Variants in VCX observed in about 807,000 individuals in gnomAD.
VCX encodes variable charge X-linked protein 1.
For synonymous variants in VCX, 17 were observed against 79.4 expected (o/e 0.21, Z 4.18); for missense variants, 45 against 171.8 (o/e 0.26, Z 4.13).
upstream of VCX, chrX:7,843,137 G>A: frequency 1.8e-6 from 2 of 1,112,670 alleles, no homozygotes; most frequent in Non-Finnish European, 1.2e-6. Context: ...ATCGCGAGAG[G>A]GGTATATACA....
In VCX at chrX:7,843,664, C is replaced by G. The variant is rs370094450; in HGVS notation, c.269C>G (p.Pro90Arg). ...PSQELPQHELPPEEPVSEGTQ... is the reference protein window; with the variant it reads ...PSQELPQHELRPEEPVSEGTQ... ...CAGGAGCTCCCTCAGCACGAGCTGC[C>G]GCCGGAGGAGCCAGTGAGCGAGGGG... is the stretch of plus-strand genomic sequence containing the variant. Residue 90 changes from proline (P) to arginine (R), a missense_variant, in exon 2 of 2, where the codon CCG becomes CGG. Physicochemically the swap from Pro to Arg is moderately radical, Grantham distance 103 (BLOSUM62 -2). Coordinates refer to ENST00000688183, the MANE Select transcript of VCX (RefSeq NM_001393662.1). The G allele has an allele frequency of 8.9e-7, 1 of 1,123,827 alleles. No individual in the cohort carries two copies. The highest frequency in any genetic ancestry group is 2.1e-5 in the African/African-American group (1 of 46,667). 92.6% of individuals were successfully genotyped at this position (1,123,827 alleles called of 1,213,427 possible).
chrX:7,843,125 G>T, upstream of VCX: 10 of 1,056,263 alleles, frequency 9.5e-6, no homozygotes, highest in Non-Finnish European at 1.3e-5. Flanking sequence ...TCTCGTCCTG[G>T]GATCGCGAGA....
upstream of VCX, chrX:7,842,979 AC>A (rs746326926): frequency 0.33 from 6,315 of 19,036 alleles, 520 homozygotes; most frequent in Admixed American, 0.43. Flanking sequence ...ATTAGATGTC[AC>A]CCCCCCCCCC....
rs769348886 is a variant in VCX at position 7,843,747 on chromosome X, A to G, written c.352A>G (p.Ser118Gly). Reference sequence around the variant, plus strand: ...GCTGGAGGAACCACTGAGTCAGGAGAGCGAGGTGGAAGAACCACTGAGTCA... The same window carrying G: ...GCTGGAGGAACCACTGAGTCAGGAGGGCGAGGTGGAAGAACCACTGAGTCA... Reference protein sequence around the residue: ...AELEEPLSQESEVEEPLSQES... With the variant: ...AELEEPLSQEGEVEEPLSQES... Residue 118 changes from serine to glycine, a missense_variant, in exon 2 of 2, where the codon AGC becomes GGC. Transcript: ENST00000688183. The G allele has an allele frequency of 1.8e-6, 2 of 1,107,423 alleles. No homozygotes were observed. Among genetic ancestry groups the G allele is most frequent in the Admixed American group, 5.1e-5 (2 of 39,453 alleles). The allele number at this position is 1,107,423 out of a possible 1,213,427, so 91.3% of individuals were successfully genotyped here. A position where few individuals can be genotyped will look rare whatever the true frequency, so the allele number is the denominator to read the frequency against.
upstream of VCX, chrX:7,842,727 A>G (rs1428205907): frequency 5.1e-6 from 1 of 196,242 alleles, no homozygotes; most frequent in African/African-American, 3.1e-5. Flanking sequence ...CCCAGTTAGC[A>G]TGGAGGGATT....
At chrX:7,843,144 T>A (rs775482751), upstream of VCX, 9 of 1,140,182 alleles carry the variant, frequency 7.9e-6, no homozygotes, top group Non-Finnish European at 1.1e-5. Flanking sequence ...GAGGGGTATA[T>A]ACAGGGAGGC....
chrX:7,843,161 G>A (rs374566716), upstream of VCX: 43 of 1,156,548 alleles, frequency 3.7e-5, no homozygotes, highest in Admixed American at 6.8e-5. Flanking sequence ...AGGCCAGGCA[G>A]CCTGGAGTTA....
In VCX at chrX:7,843,956, G is replaced by T. The variant is rs1555908485; in HGVS notation, c.561G>T (p.Glu187Asp). 4 of 793,015 alleles carry T rather than the reference G, an allele frequency of 5.0e-6. No homozygotes were observed. In the South Asian group the frequency reaches 9.4e-5, roughly 19 times the overall value. 65.4% of individuals were successfully genotyped at this position (793,015 alleles called of 1,213,427 possible). Residue 187 changes from glutamate to aspartate, a missense_variant, in exon 2 of 2, where the codon GAG becomes GAT. Coordinates refer to ENST00000688183, the MANE Select transcript of VCX (RefSeq NM_001393662.1). ...ESEMEEPLSQESQVEEPPSQE... is the reference protein window; with the variant it reads ...ESEMEEPLSQDSQVEEPPSQE... ...AGATGGAAGAACCACTGAGTCAGGA[G>T]AGCCAGGTGGAGGAACCACCGAGTC...
rs1922497929 is a variant in VCX, at chrX:7,843,837, A to ACG, written c.442_443insCG (p.Ser148ThrfsTer8). On this transcript the variant is annotated frameshift_variant, in exon 2 of 2. Transcript: ENST00000688183. LOFTEE classifies it low-confidence loss of function (END_TRUNC). ...GGTGGAAGAACCACTGAGTCAGGAG[A>ACG]GCCAGGTGGAGGAACCACTGAGTCA... 1.1e-6 allele frequency: 1 copy of ACG among 884,386 alleles called. No homozygotes were observed. The highest frequency in any genetic ancestry group is 1.6e-6 in the Non-Finnish European group (1 of 634,683). 72.9% of individuals were successfully genotyped at this position (884,386 alleles called of 1,213,427 possible).
In VCX at chrX:7,844,044, A is replaced by C. The variant is rs1462199609; in HGVS notation, c.*28A>C. On this transcript the variant is annotated 3_prime_UTR_variant, in exon 2 of 2. Coordinates refer to ENST00000688183, the MANE Select transcript of VCX (RefSeq NM_001393662.1). ...GGCCAAGTACTCCCCTATCTCCGAGAGCAGCGACTAAGTTCAGGCCCAGCC... is the reference window on the plus strand; with the variant it reads ...GGCCAAGTACTCCCCTATCTCCGAGCGCAGCGACTAAGTTCAGGCCCAGCC... 1.8e-6 allele frequency: 2 copies of C among 1,137,788 alleles called. No individual in the cohort carries two copies. Among genetic ancestry groups the C allele is most frequent in the African/African-American group, 4.2e-5 (2 of 47,565 alleles). 93.8% of individuals were successfully genotyped at this position (1,137,788 alleles called of 1,213,427 possible).
At chrX:7,842,652 C>G (rs142818992), upstream of VCX, 2,100 of 135,161 alleles carry the variant, frequency 0.016, 50 homozygotes, top group African/African-American at 0.064. Context: ...TCCCAAAGTG[C>G]TGGGATTACA....
At chrX:7,843,155 C>T, upstream of VCX, 1 of 1,159,231 alleles carries the variant, frequency 8.6e-7, no homozygotes, top group Non-Finnish European at 1.2e-6. Flanking sequence ...ACAGGGAGGC[C>T]AGGCAGCCTG....
chrX:7,843,733 C>T lies in VCX; in HGVS notation c.338C>T (p.Pro113Leu), dbSNP rs753922335. ...PLSQEAELEE[P>L]LSQESEVEEP... ...AGTCAGGAGGCCGAGCTGGAGGAAC[C>T]ACTGAGTCAGGAGAGCGAGGTGGAA... Residue 113 changes from proline to leucine, a missense_variant, in exon 2 of 2, where the codon CCA becomes CTA. Physicochemically the swap from Pro to Leu is moderately conservative, Grantham distance 98. Coordinates refer to ENST00000688183, the MANE Select transcript of VCX (RefSeq NM_001393662.1). 1 of 1,102,999 alleles carries T rather than the reference C, an allele frequency of 9.1e-7. No homozygotes were observed. Among genetic ancestry groups the T allele is most frequent in the South Asian group, 1.9e-5 (1 of 52,385 alleles). 90.9% of individuals were successfully genotyped at this position (1,102,999 alleles called of 1,213,427 possible).
At position 7,843,173 on chromosome X, in the gene VCX, C is replaced by T. The variant is rs1728763; in HGVS notation, c.-31C>T. ...GGGAGGCCAGGCAGCCTGGAGTTAG[C>T]CGACCGTTGCGAGACGTTGAGCTGC... On this transcript the variant is annotated 5_prime_UTR_variant, in exon 1 of 2. Transcript: ENST00000688183. 0.043 allele frequency: 43,794 copies of T among 1,015,786 alleles called. 1,213 individuals are homozygous for T. The highest frequency in any genetic ancestry group is 0.14 in the East Asian group (3,151 of 23,046). 83.7% of individuals were successfully genotyped at this position (1,015,786 alleles called of 1,213,427 possible).
chrX:7,842,554 T>C (rs1922400070), upstream of VCX: 3 of 115,643 alleles, frequency 2.6e-5, no homozygotes, highest in Admixed American at 2.5e-4. Context: ...GCCTGACTAA[T>C]TTTGTATTTT....
Position 7,843,399 on chromosome X carries a change from C to A in VCX, c.102+94C>A. 4 of 1,197,065 alleles carry A rather than the reference C, an allele frequency of 3.3e-6. No individual in the cohort carries two copies. The South Asian group carries it at 7.1e-5, about 21-fold the overall frequency. On this transcript the variant is annotated intron_variant, in intron 1 of 1. Coordinates refer to ENST00000688183, the MANE Select transcript of VCX (RefSeq NM_001393662.1). ...CCTCACTTGGCACAACCCCCCAACC[C>A]GGCCCCCACCGCTTCTGAGGACACG...
rs368484175 is a variant in VCX, at chrX:7,843,194, G to A, written c.-10G>A. ...TTAGCCGACCGTTGCGAGACGTTGA[G>A]CTGCGGAAGATGAGTCCAAAGCCGA... On this transcript the variant is annotated 5_prime_UTR_variant, in exon 1 of 2. Coordinates refer to ENST00000688183, the MANE Select transcript of VCX (RefSeq NM_001393662.1). 98 of 1,175,706 alleles carry A rather than the reference G, an allele frequency of 8.3e-5. No individual in the cohort carries two copies. Among genetic ancestry groups the A allele is most frequent in the Non-Finnish European group, 1.1e-4 (92 of 872,982 alleles).
Position 7,843,372 on chromosome X carries a change from G to A in VCX, c.102+67G>A, listed in dbSNP as rs1205112281. ...TCCTTCCTCACAAGAAGCCTCTCCT[G>A]TCCTCACTTGGCACAACCCCCCAAC... On this transcript the variant is annotated intron_variant, in intron 1 of 1. Coordinates refer to ENST00000688183, the MANE Select transcript of VCX (RefSeq NM_001393662.1). 71 of 1,195,446 alleles carry A rather than the reference G, an allele frequency of 5.9e-5. 2 individuals carry two copies. Among genetic ancestry groups the A allele is most frequent in the Non-Finnish European group, 7.8e-5 (69 of 886,146 alleles).
Position 7,843,992 on chromosome X carries a change from G to C in VCX, c.597G>C (p.Glu199Asp), listed in dbSNP as rs138268431. 14 of 1,049,744 alleles carry C rather than the reference G, an allele frequency of 1.3e-5. No individual in the cohort carries two copies. Among genetic ancestry groups the C allele is most frequent in the Non-Finnish European group, 1.6e-5 (12 of 769,679 alleles). The allele number at this position is 1,049,744 out of a possible 1,213,427, so 86.5% of individuals were successfully genotyped here. Reference sequence around the variant, plus strand: ...AGGAACCACCGAGTCAGGAGAGCGAGATGGAAGAACTACCGAGTGTGTAGA... The same window carrying C: ...AGGAACCACCGAGTCAGGAGAGCGACATGGAAGAACTACCGAGTGTGTAGA... The part of the protein sequence containing the change: ...QVEEPPSQES[E>D]MEELPSV The change falls in exon 2 of 2, where the codon GAG (glutamate) becomes GAC (aspartate). Residue 199 changes from glutamate (E) to aspartate (D), a missense_variant. Transcript: ENST00000688183.
Sources: allele counts gnomAD v4.1 joint callset, GRCh38; gene constraint gnomAD v4.1.1; transcripts MANE v1.5; gene names NCBI Gene and HGNC (gene_info 2026-07-23, HGNC 2026-07-21).